Variants in SH3BGRL2 observed in about 807,000 individuals in gnomAD.
SH3BGRL2 encodes SH3 domain-binding glutamic acid-rich-like protein 2.
SH3BGRL2 carries 21 observed loss-of-function variants against 14.8 expected under a neutral mutation model. The observed-to-expected ratio is 1.42, with a 90% CI of 1.01 to 2.05. The LOEUF (loss-of-function observed/expected upper bound fraction) is 2.05. SH3BGRL2 is among the 30% of genes most tolerant of loss of function. The pLI, the probability that SH3BGRL2 is intolerant of heterozygous loss-of-function variation, is 0.00. For synonymous variants in SH3BGRL2, 50 were observed against 47.8 expected (o/e 1.05, Z -0.19); for missense variants, 147 against 130.8 (o/e 1.12, Z -0.61).
In SH3BGRL2 at chr6:79,668,950, C is replaced by A. The variant is rs761297528; in HGVS notation, c.46-4664C>A. Among the ~76,000 whole-genome samples the A allele has an allele frequency of 3.4e-4, 51 of 152,136 alleles. 1 individual carries two copies. The highest frequency in any genetic ancestry group is 5.9e-4 in the Non-Finnish European group (40 of 68,030). On this transcript the variant is annotated intron_variant, in intron 1 of 3. Coordinates refer to ENST00000369838, the MANE Select transcript of SH3BGRL2 (RefSeq NM_031469.4). ...CACAATGCTTTTCAAAACTGTGCTG[C>A]TTTGGGATTGAGAAATACTGTCATT...
the SH3BGRL2 span, among the ~76,000 whole-genome samples, chr6:79,590,058 C>A: frequency 2.0e-5 from 3 of 152,182 alleles, no homozygotes; most frequent in Admixed American, 1.3e-4. Flanking sequence ...TAGGCGTGAG[C>A]CACCTTGTCA....
the SH3BGRL2 span, among the ~76,000 whole-genome samples, chr6:79,568,232 T>C: frequency 1.3e-5 from 2 of 152,146 alleles, no homozygotes; most frequent in East Asian, 1.9e-4. Flanking sequence ...CCCCAGACTA[T>C]AGAAACTCTC....
the SH3BGRL2 span, among the ~76,000 whole-genome samples, chr6:79,592,111 G>A: frequency 6.6e-6 from 1 of 152,108 alleles, no homozygotes; most frequent in African/African-American, 2.4e-5. Context: ...AAAAATGTTA[G>A]CACAATCCTG....
At chr6:79,584,912 C>T in the SH3BGRL2 span, among the ~76,000 whole-genome samples, 1 of 152,132 alleles carries the variant, frequency 6.6e-6, no homozygotes, top group Non-Finnish European at 1.5e-5. Flanking sequence ...TAAACCCATA[C>T]TTGTGAACAA....
intron 1 of SH3BGRL2, among the ~76,000 whole-genome samples, chr6:79,658,592 G>A: frequency 6.6e-6 from 1 of 152,132 alleles, no homozygotes; most frequent in African/African-American, 2.4e-5. Flanking sequence ...GAATAGTGCT[G>A]GAATAAACAT....
At chr6:79,557,607 T>C in the SH3BGRL2 span, among the ~76,000 whole-genome samples, 1 of 152,158 alleles carries the variant, frequency 6.6e-6, no homozygotes, top group Non-Finnish European at 1.5e-5. Flanking sequence ...CCCAATATCA[T>C]GTAATAGTCT....
At chr6:79,639,497 G>A (rs1254210205) in intron 1 of SH3BGRL2, among the ~76,000 whole-genome samples, 1 of 152,136 alleles carries the variant, frequency 6.6e-6, no homozygotes, top group Non-Finnish European at 1.5e-5. Flanking sequence ...GCTGAGGCAG[G>A]AGGAGTGCCT....
chr6:79,593,005 A>G, the SH3BGRL2 span, among the ~76,000 whole-genome samples: 1 of 152,144 alleles, frequency 6.6e-6, no homozygotes, highest in Non-Finnish European at 1.5e-5. Context: ...GATATTTACA[A>G]ATAGGTGAAT....
At chr6:79,682,783 A>G (rs1770012933) in intron 2 of SH3BGRL2, among the ~76,000 whole-genome samples, 1 of 152,270 alleles carries the variant, frequency 6.6e-6, no homozygotes, top group African/African-American at 2.4e-5. Context: ...ACTATTCGCA[A>G]TAGCAAAGAC....
chr6:79,655,676 G>C (rs1392700510), intron 1 of SH3BGRL2, among the ~76,000 whole-genome samples: 2 of 152,078 alleles, frequency 1.3e-5, no homozygotes, highest in African/African-American at 4.8e-5. Context: ...CATACAAATG[G>C]AATTATATGA....
At chr6:79,544,950 A>T in the SH3BGRL2 span, among the ~76,000 whole-genome samples, 1 of 152,230 alleles carries the variant, frequency 6.6e-6, no homozygotes, top group African/African-American at 2.4e-5. Context: ...CCAAGTATAA[A>T]ATAAGGAGAA....
the SH3BGRL2 span, among the ~76,000 whole-genome samples, chr6:79,559,841 A>C: frequency 2.0e-5 from 3 of 152,372 alleles, no homozygotes; most frequent in South Asian, 6.2e-4. Context: ...ATAGATATAT[A>C]CTACACAAAT....
At chr6:79,564,991 C>T in the SH3BGRL2 span, among the ~76,000 whole-genome samples, 16 of 152,130 alleles carry the variant, frequency 1.1e-4, no homozygotes, top group Admixed American at 8.5e-4. Context: ...CAGAAGAACA[C>T]GGAAGAAATG....
the SH3BGRL2 span, among the ~76,000 whole-genome samples, chr6:79,625,239 T>C: frequency 1.3e-5 from 2 of 149,954 alleles, no homozygotes; most frequent in African/African-American, 5.0e-5. Flanking sequence ...TATATACACA[T>C]ATATATATAC....
chr6:79,595,159 G>A, the SH3BGRL2 span, among the ~76,000 whole-genome samples: 3 of 152,208 alleles, frequency 2.0e-5, no homozygotes, highest in Admixed American at 6.5e-5. Context: ...AGCGGCCCAT[G>A]CCTGTAATTC....
chr6:79,586,402 A>G, the SH3BGRL2 span, among the ~76,000 whole-genome samples: 1 of 152,004 alleles, frequency 6.6e-6, no homozygotes, highest in African/African-American at 2.4e-5. Context: ...TATTTTGAAA[A>G]TTATTATCTT....
At chr6:79,682,418 A>T (rs181216056) in intron 2 of SH3BGRL2, among the ~76,000 whole-genome samples, 2 of 152,206 alleles carry the variant, frequency 1.3e-5, no homozygotes, top group African/African-American at 4.8e-5. Context: ...AAAATATATG[A>T]TCACAAGACA....
the SH3BGRL2 span, among the ~76,000 whole-genome samples, chr6:79,603,523 G>A: frequency 1.1e-3 from 167 of 152,294 alleles, no homozygotes; most frequent in African/African-American, 3.6e-3. Context: ...GTAGGAGCAG[G>A]CAAAGGATGC....
intron 1 of SH3BGRL2, among the ~76,000 whole-genome samples, chr6:79,650,224 G>C (rs922731580): frequency 8.5e-5 from 13 of 152,120 alleles, no homozygotes; most frequent in Admixed American, 5.9e-4. Context: ...ATTTCAGAAA[G>C]ATACAAAAGT....
Sources: allele counts gnomAD v4.1 joint callset (sites outside exome capture counted in the v4.1 genomes callset), GRCh38; gene constraint gnomAD v4.1.1; transcripts MANE v1.5; gene names NCBI Gene and HGNC (gene_info 2026-07-23, HGNC 2026-07-21).